Variants in FYB1 observed in about 807,000 individuals in gnomAD.
FYB1 encodes the protein FYN binding protein 1, also known as FYN-binding protein 1.
Under a neutral mutation model 94.1 loss-of-function variants are expected in FYB1, and 41 were observed. The ratio of observed to expected loss-of-function variants is 0.44; its 90% CI spans 0.34 to 0.57. The LOEUF is 0.57. Ranked by LOEUF, FYB1 falls within the 20% of genes least tolerant of loss-of-function variation. The probability of loss-of-function intolerance (pLI) is 0.02; values close to 1 mark genes in which losing one functional copy is unlikely to be tolerated. For synonymous variants in FYB1, 367 were observed against 353.2 expected, an observed-to-expected ratio of 1.04 and a Z score of -0.44; for missense variants, 1,050 against 976.8, an observed-to-expected ratio of 1.07 and a Z score of -1.00.
chr5:39,145,913 TTTTTTTTTC>T (rs1742606375), intron 3 of FYB1, among the ~76,000 whole-genome samples: 1 of 146,268 alleles, frequency 6.8e-6, no homozygotes, highest in Non-Finnish European at 1.5e-5. Flanking sequence ...TTTTTTTTTC[TTTTTTTTTC>T]TTTTTTTTAA....
At chr5:39,127,833 T>G (rs1455228283) in intron 10 of FYB1, 26 bp from the exon 11 acceptor site, 1 of 1,578,518 alleles carries the variant, frequency 6.3e-7, no homozygotes, top group Non-Finnish European at 8.6e-7. Context: ...AGGAAAATCT[T>G]CTGTTAATTT....
At chr5:39,237,403 G>T (rs1255439761) in intron 1 of FYB1, among the ~76,000 whole-genome samples, 1 of 152,024 alleles carries the variant, frequency 6.6e-6, no homozygotes, top group Non-Finnish European at 1.5e-5. Flanking sequence ...GTGGGTCCAG[G>T]TGTTATAAAT....
intron 11 of FYB1, among the ~76,000 whole-genome samples, 192 bp from the exon 12 acceptor site, chr5:39,126,327 C>G (rs369724916): frequency 8.1e-6 from 1 of 123,652 alleles, no homozygotes; most frequent in African/African-American, 4.4e-5. Context: ...ACTGCTCCTA[C>G]GAACCTGATC....
At chr5:39,267,383 ATCATCATCATCATCATCATCACG>A in intron 1 of FYB1, among the ~76,000 whole-genome samples, 1 of 151,628 alleles carries the variant, frequency 6.6e-6, no homozygotes, top group Admixed American at 6.6e-5. Flanking sequence ...CATCATCATC[ATCATCATCATCATCATCATCACG>A]TCATCACCAT....
intron 16 of FYB1, among the ~76,000 whole-genome samples, chr5:39,113,819 T>C (rs1446577123): frequency 2.6e-5 from 4 of 152,046 alleles, no homozygotes; most frequent in Admixed American, 1.3e-4. Context: ...AGTGGAACAA[T>C]GTCCAATTTC....
intron 2 of FYB1, among the ~76,000 whole-genome samples, chr5:39,180,232 G>A (rs190015132): frequency 2.0e-5 from 3 of 152,254 alleles, no homozygotes; most frequent in East Asian, 3.9e-4. Flanking sequence ...CTTCTTCCTA[G>A]TGTATTAACG....
At chr5:39,258,491 C>T (rs904455176) in intron 1 of FYB1, among the ~76,000 whole-genome samples, 3 of 151,886 alleles carry the variant, frequency 2.0e-5, no homozygotes, top group African/African-American at 7.3e-5. Flanking sequence ...TTCCAGCTAC[C>T]TGGGAGGCTG....
chr5:39,228,429 AC>A (rs1197610253), intron 1 of FYB1, among the ~76,000 whole-genome samples: 1 of 152,166 alleles, frequency 6.6e-6, no homozygotes, highest in Non-Finnish European at 1.5e-5. Context: ...ATTTCTCAAA[AC>A]AAACAAACCA....
intron 16 of FYB1, among the ~76,000 whole-genome samples, chr5:39,115,157 G>A (rs1353486630): frequency 6.6e-6 from 1 of 150,632 alleles, no homozygotes; most frequent in African/African-American, 2.4e-5. Context: ...GTGCAGTGGT[G>A]CAATCTCGGC....
In FYB1 at chr5:39,202,722, G is replaced by C. The variant is rs373576394; in HGVS notation, c.239C>G (p.Pro80Arg). 9 of 1,613,818 alleles carry C rather than the reference G, an allele frequency of 5.6e-6. No homozygotes were observed. Among genetic ancestry groups the C allele is most frequent in the Admixed American group, 1.7e-5 (1 of 59,990 alleles). The change falls in exon 2 of 19, where the codon CCC becomes CGC. Residue 80 changes from proline to arginine, a missense_variant. By Grantham distance (103) the Pro-to-Arg change is moderately radical. Coordinates refer to ENST00000512982, the MANE Select transcript of FYB1 (RefSeq NM_001465.6). ...SEEKPDKEPK[P>R]PFLKPTGAGQ... Reference sequence around the variant, plus strand: ...TGCTCCAGTGGGCTTTAGAAACGGGGGCTTGGGTTCCTTGTCAGGCTTTTC... The same window carrying C: ...TGCTCCAGTGGGCTTTAGAAACGGGCGCTTGGGTTCCTTGTCAGGCTTTTC...
chr5:39,129,980 C>T (rs770390361), intron 10 of FYB1, among the ~76,000 whole-genome samples: 1 of 151,822 alleles, frequency 6.6e-6, no homozygotes, highest in Non-Finnish European at 1.5e-5. Flanking sequence ...CAGCACTATT[C>T]ACAGTAGCAA....
At position 39,144,322 on chromosome 5, in the gene FYB1, A is replaced by G. The variant is rs143085209; in HGVS notation, c.1293-3181T>C. Reference sequence around the variant, plus strand: ...TAAAAGAACTACATTTGATCCAGCCACCTCTACCTCTCACTCTCAATGTAT... The same window carrying G: ...TAAAAGAACTACATTTGATCCAGCCGCCTCTACCTCTCACTCTCAATGTAT... On this transcript the variant is annotated intron_variant, in intron 3 of 18. Transcript: ENST00000512982. 9.7e-4 allele frequency among the ~76,000 whole-genome samples: 148 copies of G among 152,308 alleles called. 2 individuals are homozygous for G. The East Asian group carries it at 0.027, about 28-fold the overall frequency.
upstream of FYB1, among the ~76,000 whole-genome samples, chr5:39,222,715 A>G (rs1750321159): frequency 6.6e-6 from 1 of 152,342 alleles, no homozygotes; most frequent in African/African-American, 2.4e-5. Context: ...AAGCGGAAGT[A>G]TAGATACTTG....
chr5:39,148,154 TTTA>T (rs1254997930), intron 3 of FYB1, among the ~76,000 whole-genome samples: 2 of 41,924 alleles, frequency 4.8e-5, no homozygotes, highest in Non-Finnish European at 7.1e-5. Flanking sequence ...ATATGTATTT[TTTA>T]TATATATATA....
chr5:39,139,728 T>C (rs1741995644), intron 4 of FYB1: 1 of 152,198 alleles, frequency 6.6e-6, no homozygotes, highest in African/African-American at 2.4e-5. Flanking sequence ...CAGAATCCAA[T>C]ATTAAGAGCA....
intron 1 of FYB1, among the ~76,000 whole-genome samples, chr5:39,245,748 G>A (rs895454597): frequency 9.9e-5 from 15 of 152,034 alleles, no homozygotes; most frequent in East Asian, 1.9e-4. Flanking sequence ...ACAGGTGCCC[G>A]CCACTACAAC....
At chr5:39,212,528 C>A (rs531460550) in intron 1 of FYB1, 2 of 152,258 alleles carry the variant, frequency 1.3e-5, no homozygotes, top group African/African-American at 2.4e-5. Context: ...GTTCCCATTC[C>A]ATTTCTTCTC....
intron 1 of FYB1, among the ~76,000 whole-genome samples, chr5:39,205,698 A>G (rs570400652): frequency 2.3e-4 from 35 of 152,278 alleles, no homozygotes; most frequent in African/African-American, 8.4e-4. Context: ...TCAGCTGCCA[A>G]CCCAGACCCA....
At chr5:39,203,111 A>G in intron 1 of FYB1, 124 bp from the exon 2 acceptor site, 1 of 758,722 alleles carries the variant, frequency 1.3e-6, no homozygotes, top group Non-Finnish European at 2.1e-6. Context: ...TTAGCAAGAT[A>G]TTGTAACATT....
Sources: allele counts gnomAD v4.1 joint callset (sites outside exome capture counted in the v4.1 genomes callset), GRCh38; gene constraint gnomAD v4.1.1; transcripts MANE v1.5; gene names NCBI Gene and HGNC (gene_info 2026-07-23, HGNC 2026-07-21).